The following MAP4K2 variants were observed in gnomAD, a reference collection of about 807,000 sequenced individuals.
The protein encoded by MAP4K2 is mitogen-activated protein kinase kinase kinase kinase 2.
MAP4K2 carries 85 observed loss-of-function variants against 125.3 expected under a neutral mutation model. The ratio of observed to expected loss-of-function variants is 0.68; its 90% CI spans 0.57 to 0.81. The LOEUF (loss-of-function observed/expected upper bound fraction) is 0.81, where lower values mean the gene tolerates loss of function less well. MAP4K2 is among the 40% of genes least tolerant of loss of function. The probability of loss-of-function intolerance (pLI) is 0.00; values close to 1 mark genes in which losing one functional copy is unlikely to be tolerated. For missense variants in MAP4K2, 923 were observed against 1,056.4 expected (o/e 0.87, Z 1.75); for synonymous variants, 479 against 445.1 (o/e 1.08, Z -0.96).
rs1940219040 is a variant in MAP4K2 at position 64,787,017 on chromosome 11, A to C, written c.*2520T>G. 2.8e-5 allele frequency: 4 copies of C among 143,778 alleles called. No homozygotes were observed. In the South Asian group the frequency reaches 8.8e-4, roughly 31 times the overall value. 8.9% of individuals were successfully genotyped at this position (143,778 alleles called of 1,614,324 possible). ...AATACATTCATATTCTCCAGGATAT[A>C]TATATATTTTTTTCTCTTTTTTTTT... On this transcript the variant is annotated 3_prime_UTR_variant, in exon 32 of 32. Transcript: ENST00000294066.
chr11:64,793,008 G>C (rs1940592474), intron 24 of MAP4K2, among the ~76,000 whole-genome samples: 1 of 152,170 alleles, frequency 6.6e-6, no homozygotes, highest in Non-Finnish European at 1.5e-5. Flanking sequence ...CCCGAGGTCG[G>C]GAGTTCGAGA....
At chr11:64,800,078 C>T (rs1044552867) in intron 12 of MAP4K2, 31 bp downstream of exon 12, 1 of 1,536,682 alleles carries the variant, frequency 6.5e-7, no homozygotes, top group South Asian at 1.2e-5. Flanking sequence ...CAGACCAGCC[C>T]AAGACTCACT....
At position 64,796,387 on chromosome 11, in the gene MAP4K2, T is replaced by C. The variant is rs759812023; in HGVS notation, c.1637A>G (p.Lys546Arg). The change falls in exon 24 of 32, where the codon AAA becomes AGA. Residue 546 changes from lysine (K) to arginine (R), a missense_variant. Lys to Arg is a conservative substitution (Grantham distance 26). Transcript: ENST00000294066. ...GTCATGGGCCCAGATGTGCGTGGAT[T>C]TCCCTGCAGAAACAGGAAGAGGCCA... ...VNNVLLSLSGKSTHIWAHDLP... is the reference protein window; with the variant it reads ...VNNVLLSLSGRSTHIWAHDLP... The C allele has an allele frequency of 5.6e-6, 9 of 1,608,978 alleles. No individual in the cohort carries two copies. In the East Asian group the frequency reaches 1.6e-4, roughly 28 times the overall value.
intron 14 of MAP4K2, 24 bp from the exon 15 acceptor site, chr11:64,798,861 C>T (rs768348155): frequency 1.3e-5 from 20 of 1,577,784 alleles, no homozygotes; most frequent in Non-Finnish European, 1.5e-5. Context: ...AGGTAGAGAC[C>T]GGGGAAGAAG....
In MAP4K2 at chr11:64,800,951, G is replaced by C; in HGVS notation, c.611C>G (p.Ala204Gly). ...LCDVWALGIT[A>G]IELGELQPPL... ...GGGCTGCAGCTCGCCCAGCTCAATGGCAGTGATGCCCAGGGCCCAGACGTC... is the reference window on the plus strand; with the variant it reads ...GGGCTGCAGCTCGCCCAGCTCAATGCCAGTGATGCCCAGGGCCCAGACGTC... The change falls in exon 9 of 32, where the codon GCC (alanine) becomes GGC (glycine). Residue 204 changes from alanine to glycine, a missense_variant. Coordinates refer to ENST00000294066, the MANE Select transcript of MAP4K2 (RefSeq NM_004579.5). 6.8e-6 allele frequency: 11 copies of C among 1,614,052 alleles called. No individual in the cohort carries two copies. The highest frequency in any genetic ancestry group is 9.3e-6 in the Non-Finnish European group (11 of 1,180,004).
chr11:64,795,104 G>C (rs1479888409), intron 24 of MAP4K2, among the ~76,000 whole-genome samples: 1 of 133,302 alleles, frequency 7.5e-6, no homozygotes, highest in South Asian at 2.4e-4. Flanking sequence ...TTTTTTTTGA[G>C]ATGCAGTCTC....
At chr11:64,796,060 A>C (rs973782777) in intron 24 of MAP4K2, among the ~76,000 whole-genome samples, 1 of 152,230 alleles carries the variant, frequency 6.6e-6, no homozygotes, top group Non-Finnish European at 1.5e-5. Context: ...TACAACTTGG[A>C]AAGCACTTTC....
At chr11:64,800,453 G>A in intron 10 of MAP4K2, 61 bp from the exon 11 acceptor site, 1 of 1,565,944 alleles carries the variant, frequency 6.4e-7, no homozygotes, top group Non-Finnish European at 8.8e-7. Context: ...AGGGTGTCCT[G>A]CCAGCTGCCC....
At position 64,787,210 on chromosome 11, in the gene MAP4K2, T is replaced by C. The variant is rs1940229521; in HGVS notation, c.*2327A>G. On this transcript the variant is annotated 3_prime_UTR_variant, in exon 32 of 32. Coordinates refer to ENST00000294066, the MANE Select transcript of MAP4K2 (RefSeq NM_004579.5). ...ATGCCCAGCTAATTTTTTGTATTTT[T>C]AGTAGAGACGGGGTTTCACCATGTT... 6.6e-6 allele frequency: 1 copy of C among 152,074 alleles called. No homozygotes were observed. Among genetic ancestry groups the C allele is most frequent in the Non-Finnish European group, 1.5e-5 (1 of 67,988 alleles). The allele number at this position is 152,074 out of a possible 1,614,324, so 9.4% of individuals were successfully genotyped here. A position where few individuals can be genotyped will look rare whatever the true frequency, so the allele number is the denominator to read the frequency against.
chr11:64,792,990 G>A (rs897723572), intron 24 of MAP4K2, among the ~76,000 whole-genome samples: 5 of 152,226 alleles, frequency 3.3e-5, no homozygotes, highest in Admixed American at 3.3e-4. Context: ...GTCGAGGTAG[G>A]CAGATCACCC....
rs1161859236 is a variant in MAP4K2 at position 64,789,358 on chromosome 11, G to A, written c.*179C>T. 3 of 608,322 alleles carry A rather than the reference G, an allele frequency of 4.9e-6. 1 individual carries two copies. In the South Asian group the frequency reaches 5.9e-5, roughly 12 times the overall value. The allele number at this position is 608,322 out of a possible 1,614,324, so 37.7% of individuals were successfully genotyped here. ...TCCCCCTGGTCCAGTTATTGCAGAG[G>A]CGTCGGGGGCTCCCCTCCCTCCCCA... On this transcript the variant is annotated 3_prime_UTR_variant, in exon 32 of 32. Transcript: ENST00000294066.
Position 64,788,707 on chromosome 11 carries a change from G to A in MAP4K2, c.*830C>T, listed in dbSNP as rs1490223875. 1 of 152,266 alleles carries A rather than the reference G, an allele frequency of 6.6e-6. No homozygotes were observed. The highest frequency in any genetic ancestry group is 1.5e-5 in the Non-Finnish European group (1 of 68,064). 9.4% of individuals were successfully genotyped at this position (152,266 alleles called of 1,614,324 possible). A position where few individuals can be genotyped will look rare whatever the true frequency, so the allele number is the denominator to read the frequency against. On this transcript the variant is annotated 3_prime_UTR_variant, in exon 32 of 32. Coordinates refer to ENST00000294066, the MANE Select transcript of MAP4K2 (RefSeq NM_004579.5). ...GTCTAACACCTAGGCAGTAGGTGGA[G>A]GCAGGGGATACAGGTCACACAGGCT...
At chr11:64,792,333 C>T (rs767174981) in intron 25 of MAP4K2, 31 bp downstream of exon 25, 30 of 1,507,742 alleles carry the variant, frequency 2.0e-5, no homozygotes, top group Admixed American at 5.9e-5. Context: ...CCCACCAGGC[C>T]CCGCCCCACC....
Position 64,801,927 on chromosome 11 carries a change from G to C in MAP4K2, c.366+139C>G, listed in dbSNP as rs1274553163. ...GGACTGCTTCCGGCAACAGGGCTGG[G>C]GCCCCTTTTCCCCAGGACCTACAGC... On this transcript the variant is annotated intron_variant, in intron 5 of 31. Transcript: ENST00000294066. The C allele has an allele frequency of 1.6e-5, 19 of 1,155,188 alleles. No individual in the cohort carries two copies. The Admixed American group carries it at 4.3e-4, about 26-fold the overall frequency. 71.6% of individuals were successfully genotyped at this position (1,155,188 alleles called of 1,614,324 possible). A position where few individuals can be genotyped will look rare whatever the true frequency, so the allele number is the denominator to read the frequency against.
chr11:64,799,895 G>T (rs573453781), intron 12 of MAP4K2, among the ~76,000 whole-genome samples: 9 of 152,354 alleles, frequency 5.9e-5, no homozygotes, highest in African/African-American at 9.6e-5. Flanking sequence ...CACAGTCGTG[G>T]TCATGGTCAG....
chr11:64,801,431 G>A (rs576519218), intron 7 of MAP4K2, 148 bp downstream of exon 7: 2 of 964,952 alleles, frequency 2.1e-6, no homozygotes, highest in Non-Finnish European at 3.1e-6. Context: ...TTTTCCAGCA[G>A]GGAGGGAGTA....
chr11:64,790,254 T>G lies in MAP4K2; in HGVS notation c.2182A>C (p.Met728Leu), dbSNP rs139845154. The G allele has an allele frequency of 4.3e-6, 7 of 1,614,028 alleles. No individual in the cohort carries two copies. Among genetic ancestry groups the G allele is most frequent in the Non-Finnish European group, 5.9e-6 (7 of 1,180,008 alleles). Residue 728 changes from methionine to leucine, a missense_variant, in exon 29 of 32, where the codon ATG (methionine) becomes CTG (leucine). Physicochemically the swap from Met to Leu is conservative, Grantham distance 15. Around this residue, in one of 2 missense-constraint regions of MAP4K2, gnomAD observed 90 missense variants for 144.9 expected, o/e 0.62. Coordinates refer to ENST00000294066, the MANE Select transcript of MAP4K2 (RefSeq NM_004579.5). ...SFERCVRIVN[M>L]QGEPTATLAP... ...AGTGTGGCCGTGGGCTCGCCCTGCA[T>G]GTTGACAATCCTCACACAGCCTGCA...
rs377050355 is a variant in MAP4K2 at position 64,792,159 on chromosome 11, C to A, written c.1914+13G>T. The A allele has an allele frequency of 1.5e-5, 24 of 1,599,768 alleles. No homozygotes were observed. The highest frequency in any genetic ancestry group is 3.3e-4 in the Middle Eastern group (2 of 6,026). On this transcript the variant is annotated intron_variant, in intron 26 of 31. Transcript: ENST00000294066. ...TCTGAGGGTGCCCTGGGCCTCCCCC[C>A]ACCGCCCCTCACCTTCAGCAGCAGA... is the stretch of plus-strand genomic sequence containing the variant.
chr11:64,799,537 C>T (rs370287069), intron 13 of MAP4K2, 58 bp from the exon 14 acceptor site: 53 of 1,612,318 alleles, frequency 3.3e-5, no homozygotes, highest in Non-Finnish European at 4.4e-5. Flanking sequence ...GACCTCTACT[C>T]ACACCAAATC....
Sources: allele counts gnomAD v4.1 joint callset (sites outside exome capture counted in the v4.1 genomes callset), GRCh38; gene constraint gnomAD v4.1.1; regional missense constraint gnomAD v4.1.1; transcripts MANE v1.5; gene names NCBI Gene and HGNC (gene_info 2026-07-23, HGNC 2026-07-21).